Variants in PRDM15 observed in about 807,000 individuals in gnomAD.
The protein encoded by PRDM15 is PR/SET domain 15, also known as PR domain zinc finger protein 15.
Under a neutral mutation model 128.6 loss-of-function variants are expected in PRDM15, and 64 were observed. The observed-to-expected ratio is 0.50, with a 90% CI of 0.41 to 0.61. PRDM15 has a LOEUF of 0.61. PRDM15 is among the 20% of genes least tolerant of loss of function. PRDM15 has a pLI of 0.00. For missense variants in PRDM15, 1,242 were observed against 1,569.1 expected (o/e 0.79, Z 3.52); for synonymous variants, 615 against 621.8 (o/e 0.99, Z 0.16).
intron 1 of PRDM15, chr21:41,871,692 A>C: frequency 6.6e-7 from 1 of 1,509,942 alleles, no homozygotes; most frequent in East Asian, 2.3e-5. Flanking sequence ...GTCTTGAAAC[A>C]TGACAGAAAC....
chr21:41,863,988 C>T (rs11910647), intron 1 of PRDM15, among the ~76,000 whole-genome samples: 4,904 of 152,202 alleles, frequency 0.032, 135 homozygotes, highest in East Asian at 0.07. Context: ...GGATTACAGG[C>T]ACGTGCCACC....
intron 17 of PRDM15, 102 bp downstream of exon 17, chr21:41,819,993 G>A (rs982218634): frequency 4.1e-6 from 4 of 985,086 alleles, no homozygotes; most frequent in Non-Finnish European, 4.7e-6. Context: ...GGGAGGCAAG[G>A]TGCGACGGCT....
At chr21:41,827,435 G>A (rs1568935104) in intron 12 of PRDM15, among the ~76,000 whole-genome samples, 1 of 152,084 alleles carries the variant, frequency 6.6e-6, no homozygotes, top group Non-Finnish European at 1.5e-5. Flanking sequence ...CTGCAGCCTC[G>A]ACCTCCCAGC....
chr21:41,803,830 C>T (rs559207863), intron 22 of PRDM15, among the ~76,000 whole-genome samples: 68 of 151,964 alleles, frequency 4.5e-4, no homozygotes, highest in Middle Eastern at 3.4e-3. Context: ...GAGCATGGCA[C>T]GTTCTCTTTG....
intron 1 of PRDM15, among the ~76,000 whole-genome samples, chr21:41,873,466 T>C (rs2064288143): frequency 6.6e-6 from 1 of 152,142 alleles, no homozygotes; most frequent in Non-Finnish European, 1.5e-5. Context: ...TCTGGTATCT[T>C]TCCTGCCAGC....
At chr21:41,829,206 TA>T (rs1282610032) in intron 11 of PRDM15, among the ~76,000 whole-genome samples, 2 of 117,308 alleles carry the variant, frequency 1.7e-5, no homozygotes, top group African/African-American at 7.9e-5. Flanking sequence ...CACATACACA[TA>T]CATGTCACAC....
At chr21:41,856,907 G>A (rs1349097687) in intron 4 of PRDM15, among the ~76,000 whole-genome samples, 1 of 152,244 alleles carries the variant, frequency 6.6e-6, no homozygotes, top group Non-Finnish European at 1.5e-5. Flanking sequence ...GACAGCTGGA[G>A]TCAGCATTTG....
chr21:41,852,241 C>T (rs937570167), intron 5 of PRDM15, among the ~76,000 whole-genome samples: 7 of 152,250 alleles, frequency 4.6e-5, no homozygotes, highest in Non-Finnish European at 7.3e-5. Flanking sequence ...AGGATACAAG[C>T]TGACAAGGGG....
At chr21:41,850,214 C>T (rs536460803) in intron 5 of PRDM15, among the ~76,000 whole-genome samples, 1 of 151,878 alleles carries the variant, frequency 6.6e-6, no homozygotes, top group Non-Finnish European at 1.5e-5. Flanking sequence ...ATTCTCAGAG[C>T]GAGACTAAAA....
At position 41,810,171 on chromosome 21, in the gene PRDM15, G is replaced by A. The variant is rs767885620; in HGVS notation, c.2635C>T (p.Arg879Trp). 9 of 1,609,520 alleles carry A rather than the reference G, an allele frequency of 5.6e-6. No homozygotes were observed. The highest frequency in any genetic ancestry group is 4.5e-5 in the East Asian group (2 of 44,800). ...CAGCTCACCTCGGGGTGCTTGCGCC[G>A]CATGTGTCGGCTCATGGAGGCCCTG... ...STRASMSRHMRRKHPEVLAVR... is the reference protein window; with the variant it reads ...STRASMSRHMWRKHPEVLAVR... The change falls in exon 21 of 24, where the codon CGG becomes TGG. Residue 879 changes from arginine (R) to tryptophan (W), a missense_variant. Physicochemically the swap from Arg to Trp is moderately radical, Grantham distance 101. Coordinates refer to ENST00000398548, the MANE Select transcript of PRDM15 (RefSeq NM_001040424.3). This position sits in a 1 kb window ranked among gnomAD's most constrained non-coding sequence, Gnocchi z 6.4.
Position 41,862,613 on chromosome 21 carries a change from G to A in PRDM15, c.-9-2241C>T, listed in dbSNP as rs1321266509. On this transcript the variant is annotated intron_variant, in intron 1 of 23. Coordinates refer to ENST00000398548, the MANE Select transcript of PRDM15 (RefSeq NM_001040424.3). This position sits in a 1 kb window ranked among gnomAD's most constrained non-coding sequence, Gnocchi z 4.1. ...ATAAGGGTCCCGATTAGCAGCATCTGGTCCCCAAAATGAGGCCTCTCTAAA... is the reference window on the plus strand; with the variant it reads ...ATAAGGGTCCCGATTAGCAGCATCTAGTCCCCAAAATGAGGCCTCTCTAAA... Among the ~76,000 whole-genome samples, 1 of 152,160 alleles carries A rather than the reference G, an allele frequency of 6.6e-6. No individual in the cohort carries two copies. Among genetic ancestry groups the A allele is most frequent in the Non-Finnish European group, 1.5e-5 (1 of 68,034 alleles).
intron 4 of PRDM15, among the ~76,000 whole-genome samples, chr21:41,856,892 C>T (rs1055432333): frequency 6.6e-5 from 10 of 152,216 alleles, no homozygotes; most frequent in African/African-American, 1.9e-4. Flanking sequence ...CAATGGAGGT[C>T]GTAAGACAGC....
At chr21:41,831,670 G>C (rs2062696645) in intron 11 of PRDM15, among the ~76,000 whole-genome samples, 1 of 152,232 alleles carries the variant, frequency 6.6e-6, no homozygotes, top group Non-Finnish European at 1.5e-5. Context: ...GGAGACAGCA[G>C]TGGGGAAATC....
chr21:41,805,567 G>A (rs2061535513), intron 21 of PRDM15, among the ~76,000 whole-genome samples: 1 of 152,110 alleles, frequency 6.6e-6, no homozygotes, highest in Non-Finnish European at 1.5e-5. Flanking sequence ...AGTGTTTTAA[G>A]TTAACATAAA....
In PRDM15 at chr21:41,810,357, C is replaced by A. The variant is rs200897134; in HGVS notation, c.2477-28G>T. ...TTTCACACACACGCAGACACACATG[C>A]GCGTGGAAAGGAAGAGACACGCAGG... On this transcript the variant is annotated intron_variant, in intron 20 of 23. Transcript: ENST00000398548. The surrounding 1 kb of genome is among the most constrained non-coding windows in gnomAD (Gnocchi z 6.4). 7 of 1,597,694 alleles carry A rather than the reference C, an allele frequency of 4.4e-6. No homozygotes were observed. The South Asian group carries it at 7.8e-5, about 18-fold the overall frequency.
rs117721853 is a variant in PRDM15, at chr21:41,851,626, C to T, written c.538+2940G>A. Among the ~76,000 whole-genome samples, 1,359 of 152,206 alleles carry T rather than the reference C, an allele frequency of 8.9e-3. 11 individuals are homozygous for T. Among genetic ancestry groups the T allele is most frequent in the Non-Finnish European group, 0.013 (886 of 67,992 alleles). On this transcript the variant is annotated intron_variant, in intron 5 of 23. Transcript: ENST00000398548. The stretch of plus-strand genomic sequence containing the variant: ...CGTGTGTGTGAGGAGCAGGTGTTGA[C>T]GCGGCTGCTGGCTTGCCATTTGAAC...
intron 1 of PRDM15, chr21:41,871,453 T>A: frequency 1.3e-6 from 2 of 1,524,494 alleles, no homozygotes; most frequent in South Asian, 2.5e-5. Flanking sequence ...GCTGTCCCTG[T>A]CTGGGCCCAT....
In PRDM15 at chr21:41,826,067, AC is replaced by A. The variant is rs771047157; in HGVS notation, c.1535-14del. The A allele has an allele frequency of 1.1e-5, 18 of 1,608,104 alleles. No homozygotes were observed. Among genetic ancestry groups the A allele is most frequent in the Non-Finnish European group, 1.5e-5 (18 of 1,174,822 alleles). On this transcript the variant is annotated splice_polypyrimidine_tract_variant and intron_variant, in intron 12 of 23. Transcript: ENST00000398548. ...ACTCGCCGCACTCCTGAAATTGCCA[AC>A]CCCACCAGCAAGACAGTGAATACAC...
At position 41,804,570 on chromosome 21, in the gene PRDM15, G is replaced by T; in HGVS notation, c.2697C>A (p.Thr899=). ...CAATGGAGGAGGCGTCGATGGTGGT[G>T]GTCTCCGGGAGGTGGTCCAGGTCAT... The part of the protein sequence containing the change: ...RIDDLDHLPE[T]TTIDASSIGI... The change falls in exon 22 of 24, where the codon ACC becomes ACA. Residue 899 remains threonine, a synonymous_variant. Transcript: ENST00000398548. The T allele has an allele frequency of 6.4e-7, 1 of 1,572,096 alleles. No individual in the cohort carries two copies.
Sources: gnomAD v4.1 joint callset for allele counts (sites outside exome capture counted in the v4.1 genomes callset) on GRCh38, gnomAD v4.1.1 for gene constraint, Gnocchi (gnomAD v3.1) non-coding constraint, MANE v1.5 for transcripts, NCBI Gene and HGNC (gene_info 2026-07-23, HGNC 2026-07-21) for gene names.